The following EMC4 variants were observed in gnomAD, a reference collection of about 807,000 sequenced individuals.
EMC4 encodes the protein cell proliferation-inducing gene 17 protein.
EMC4 carries 9 observed loss-of-function variants against 24.2 expected under a neutral mutation model. That is an observed-to-expected ratio of 0.37 (90% confidence interval 0.22 to 0.65). EMC4 has a LOEUF of 0.65. Ranked by LOEUF, EMC4 falls within the 30% of genes least tolerant of loss-of-function variation. EMC4 has a pLI of 0.59. For synonymous variants in EMC4, 86 were observed against 81.1 expected (o/e 1.06, Z -0.32); for missense variants, 169 against 234.6 (o/e 0.72, Z 1.83).
At chr15:34,225,409 C>A in intron 1 of EMC4, 127 bp from the exon 2 acceptor site, 2 of 837,722 alleles carry the variant, frequency 2.4e-6, no homozygotes, top group South Asian at 1.6e-5. Flanking sequence ...GAGGAACATA[C>A]GAGGGGGCTT....
In EMC4 at chr15:34,226,161, G is replaced by C. The variant is rs962740011; in HGVS notation, c.201+511G>C. 12 of 216,950 alleles carry C rather than the reference G, an allele frequency of 5.5e-5. No homozygotes were observed. In the Admixed American group the frequency reaches 5.7e-4, roughly 10 times the overall value. 13.4% of individuals were successfully genotyped at this position (216,950 alleles called of 1,614,324 possible). A position where few individuals can be genotyped will look rare whatever the true frequency, so the allele number is the denominator to read the frequency against. Reference sequence around the variant, plus strand: ...TCCGCCTTGGCCTTCCAAAGTGCTGGGATTGCAGGCATGAGCCACCGCGCT... The same window carrying C: ...TCCGCCTTGGCCTTCCAAAGTGCTGCGATTGCAGGCATGAGCCACCGCGCT... On this transcript the variant is annotated intron_variant, in intron 2 of 4. Transcript: ENST00000267750.
intron 3 of EMC4, chr15:34,228,117 A>T: frequency 2.2e-6 from 1 of 452,974 alleles, no homozygotes; most frequent in Non-Finnish European, 4.0e-6. Flanking sequence ...TGGGAGGCAG[A>T]GGTTGCAGTG....
At chr15:34,228,156 C>T (rs527766025) in intron 3 of EMC4, 19 of 471,016 alleles carry the variant, frequency 4.0e-5, no homozygotes, top group African/African-American at 3.3e-4. Flanking sequence ...GCACTCCAGC[C>T]TGGGTGACAG....
intron 2 of EMC4, chr15:34,227,438 C>A: frequency 3.0e-6 from 1 of 338,280 alleles, no homozygotes; most frequent in East Asian, 4.9e-5. Flanking sequence ...GATCTTTTTT[C>A]CAAAATCAGG....
intron 4 of EMC4, 73 bp downstream of exon 4, chr15:34,228,662 A>G (rs17236784): frequency 0.18 from 191,100 of 1,074,874 alleles, 18,588 homozygotes; most frequent in Middle Eastern, 0.3. Context: ...TGATGGTAGG[A>G]AATTGGAGTT....
intron 1 of EMC4, 126 bp downstream of exon 1, chr15:34,225,326 G>GC: frequency 1.1e-6 from 1 of 924,088 alleles, no homozygotes; most frequent in Non-Finnish European, 1.6e-6. Context: ...TGGGGAGGTA[G>GC]CGGCTTTTCT....
rs1048394438 is a variant in EMC4, at chr15:34,227,601, G to T, written c.202-92G>T. On this transcript the variant is annotated intron_variant, in intron 2 of 4. Transcript: ENST00000267750. ...AGCTCAGTTAGAAGCAGGGAGTTGG[G>T]AATTCCGTTCATGTGATTTAGCATC... 6.5e-6 allele frequency: 9 copies of T among 1,385,398 alleles called. No homozygotes were observed. The African/African-American group carries it at 1.3e-4, about 20-fold the overall frequency. The allele number at this position is 1,385,398 out of a possible 1,614,324, so 85.8% of individuals were successfully genotyped here.
At chr15:34,229,719 C>A in intron 4 of EMC4, 34 bp from the exon 5 acceptor site, 1 of 1,137,682 alleles carries the variant, frequency 8.8e-7, no homozygotes, top group African/African-American at 1.6e-5. Flanking sequence ...ACTCATTTGC[C>A]ACTCACCTAT....
chr15:34,227,737 G>C lies in EMC4; in HGVS notation c.246G>C (p.Met82Ile). The change falls in exon 3 of 5, where the codon ATG (methionine) becomes ATC (isoleucine). Residue 82 changes from methionine to isoleucine, a missense_variant. Transcript: ENST00000267750. ...TGGGTCCCCTCAAACAGATTCCCAT[G>C]AATCTCTTCATCATGTACATGGCAG... Reference protein sequence around the residue: ...IALGPLKQIPMNLFIMYMAGN... With the variant: ...IALGPLKQIPINLFIMYMAGN... The C allele has an allele frequency of 6.2e-7, 1 of 1,614,176 alleles. No homozygotes were observed. Among genetic ancestry groups the C allele is most frequent in the Non-Finnish European group, 8.5e-7 (1 of 1,180,010 alleles).
intron 3 of EMC4, 76 bp from the exon 4 acceptor site, chr15:34,228,353 A>G: frequency 6.7e-7 from 1 of 1,495,188 alleles, no homozygotes; most frequent in African/African-American, 1.4e-5. Flanking sequence ...GTCTATATGA[A>G]TTTAATATAC....
intron 2 of EMC4, 141 bp downstream of exon 2, chr15:34,225,791 A>AT (rs1316486006): frequency 1.4e-6 from 1 of 724,474 alleles, no homozygotes; most frequent in East Asian, 2.7e-5. Flanking sequence ...GTATTTCGGT[A>AT]TTTTATATAT....
At chr15:34,227,903 G>A (rs924001737) in intron 3 of EMC4, 57 bp downstream of exon 3, 4 of 1,568,998 alleles carry the variant, frequency 2.5e-6, no homozygotes, top group South Asian at 1.1e-5. Context: ...AAGGCAGGCC[G>A]GGCATGGTGG....
chr15:34,227,594 G>A (rs1890678362), intron 2 of EMC4, 99 bp from the exon 3 acceptor site: 3 of 1,302,448 alleles, frequency 2.3e-6, no homozygotes, highest in Admixed American at 1.8e-5. Context: ...TAGAAGCAGG[G>A]AGTTGGGAAT....
Position 34,225,175 on chromosome 15 carries a change from C to G in EMC4, c.61C>G (p.Leu21Val). The change falls in exon 1 of 5, where the codon CTA becomes GTA. Residue 21 changes from leucine (L) to valine (V), a missense_variant. Leu to Val is a conservative substitution (Grantham distance 32). Transcript: ENST00000267750. ...CCGGCGCTTCAAGTGGGCCATTGAG[C>G]TAAGCGGGCCTGGAGGAGGCAGCAG... ...RGRRFKWAIE[L>V]SGPGGGSRGR... 1 of 1,551,232 alleles carries G rather than the reference C, an allele frequency of 6.4e-7. No individual in the cohort carries two copies. The highest frequency in any genetic ancestry group is 1.2e-5 in the South Asian group (1 of 84,028).
chr15:34,225,181 G>T lies in EMC4; in HGVS notation c.67G>T (p.Gly23Trp), dbSNP rs1890616923. The change falls in exon 1 of 5, where the codon GGG becomes TGG. Residue 23 changes from glycine (G) to tryptophan (W), a missense_variant. Gly to Trp is a radical substitution (Grantham distance 184). Coordinates refer to ENST00000267750, the MANE Select transcript of EMC4 (RefSeq NM_016454.4). ...CTTCAAGTGGGCCATTGAGCTAAGC[G>T]GGCCTGGAGGAGGCAGCAGGTGAGG... is the stretch of plus-strand genomic sequence containing the variant. ...RRFKWAIELSGPGGGSRGRSD... is the reference protein window; with the variant it reads ...RRFKWAIELSWPGGGSRGRSD... 3 of 1,551,078 alleles carry T rather than the reference G, an allele frequency of 1.9e-6. No individual in the cohort carries two copies. Among genetic ancestry groups the T allele is most frequent in the East Asian group, 4.9e-5 (2 of 40,914 alleles).
At chr15:34,225,450 C>T (rs368502961) in intron 1 of EMC4, 86 bp from the exon 2 acceptor site, 1 of 1,084,244 alleles carries the variant, frequency 9.2e-7, no homozygotes, top group African/African-American at 1.5e-5. Flanking sequence ...ATCTGAAGAT[C>T]TTTATTCCTA....
At chr15:34,228,261 G>T in intron 3 of EMC4, 168 bp from the exon 4 acceptor site, 1 of 644,284 alleles carries the variant, frequency 1.6e-6, no homozygotes, top group Non-Finnish European at 2.7e-6. Flanking sequence ...GGGTAATGGT[G>T]GTGGCATGGA....
chr15:34,227,654 G>A lies in EMC4; in HGVS notation c.202-39G>A, dbSNP rs201610869. On this transcript the variant is annotated intron_variant, in intron 2 of 4. Transcript: ENST00000267750. ...TGATATGGCAAATGTGGGACTAAGG[G>A]TAGTGATCAGAGGGTTAAAATTGTG... 3.5e-4 allele frequency: 556 copies of A among 1,599,806 alleles called. 1 individual carries two copies. The highest frequency in any genetic ancestry group is 4.4e-4 in the Non-Finnish European group (513 of 1,168,720).
At chr15:34,228,370 C>G in intron 3 of EMC4, 59 bp from the exon 4 acceptor site, 1 of 1,565,990 alleles carries the variant, frequency 6.4e-7, no homozygotes, top group African/African-American at 1.4e-5. Context: ...ATACAGTTGG[C>G]TTGATTCGTA....
Sources: gnomAD v4.1 joint callset for allele counts on GRCh38, gnomAD v4.1.1 for gene constraint, MANE v1.5 for transcripts, NCBI Gene and HGNC (gene_info 2026-07-23, HGNC 2026-07-21) for gene names.